The following ERBB4 variants were observed in gnomAD, a reference collection of about 807,000 sequenced individuals.
ERBB4 encodes receptor tyrosine-protein kinase erbB-4.
ERBB4 carries 42 observed loss-of-function variants against 158.0 expected under a neutral mutation model. That is an observed-to-expected ratio of 0.27 (90% CI 0.21 to 0.34). The LOEUF (loss-of-function observed/expected upper bound fraction) is 0.34. ERBB4 is among the 10% of genes least tolerant of loss of function. The pLI, the probability that ERBB4 is intolerant of heterozygous loss-of-function variation, is 1.00. For missense variants in ERBB4, 1,333 were observed against 1,624.1 expected (o/e 0.82, Z 3.08); for synonymous variants, 583 against 558.7 (o/e 1.04, Z -0.61).
intron 3 of ERBB4, among the ~76,000 whole-genome samples, chr2:211,876,610 G>A (rs1316155682): frequency 6.6e-6 from 1 of 152,142 alleles, no homozygotes; most frequent in Non-Finnish European, 1.5e-5. Flanking sequence ...TTCATGTGAA[G>A]TTCAAGAACA....
chr2:212,203,604 G>A lies in ERBB4; in HGVS notation c.83-78701C>T, dbSNP rs147471112. Reference sequence around the variant, plus strand: ...TTCTATACTTTGGAAAATAAGATGTGTGTACATATTTTGGCATCACAGACC... The same window carrying A: ...TTCTATACTTTGGAAAATAAGATGTATGTACATATTTTGGCATCACAGACC... On this transcript the variant is annotated intron_variant, in intron 1 of 27. Coordinates refer to ENST00000342788, the MANE Select transcript of ERBB4 (RefSeq NM_005235.3). 3.9e-5 allele frequency among the ~76,000 whole-genome samples: 6 copies of A among 152,310 alleles called. No individual in the cohort carries two copies. In the East Asian group the frequency reaches 1.2e-3, roughly 29 times the overall value.
intron 2 of ERBB4, among the ~76,000 whole-genome samples, chr2:212,113,702 G>C (rs2079490010): frequency 6.6e-6 from 1 of 151,706 alleles, no homozygotes; most frequent in African/African-American, 2.4e-5. Context: ...ACATGACTCT[G>C]CTCAAGTCAT....
chr2:212,361,123 T>C (rs1370889383), intron 1 of ERBB4, among the ~76,000 whole-genome samples: 1 of 151,682 alleles, frequency 6.6e-6, no homozygotes, highest in African/African-American at 2.4e-5. Context: ...CCAAGGTCCA[T>C]AAAGAATTTG....
intron 3 of ERBB4, among the ~76,000 whole-genome samples, chr2:211,903,782 T>G (rs1484319067): frequency 2.0e-5 from 3 of 149,818 alleles, no homozygotes; most frequent in African/African-American, 7.4e-5. Context: ...ATTACACAAT[T>G]AAAAAAGAAA....
At chr2:211,991,042 T>C (rs1314104264) in intron 2 of ERBB4, among the ~76,000 whole-genome samples, 1 of 151,906 alleles carries the variant, frequency 6.6e-6, no homozygotes, top group Non-Finnish European at 1.5e-5. Context: ...ATGGTCAATA[T>C]CCAACAGTAA....
chr2:212,309,388 G>A (rs1361401151), intron 1 of ERBB4, among the ~76,000 whole-genome samples: 1 of 150,762 alleles, frequency 6.6e-6, no homozygotes, highest in African/African-American at 2.4e-5. Context: ...TAAAATAAAT[G>A]CTTGGTTAGG....
intron 2 of ERBB4, among the ~76,000 whole-genome samples, chr2:212,088,974 A>C (rs2078695051): frequency 1.3e-5 from 2 of 152,116 alleles, no homozygotes; most frequent in Non-Finnish European, 2.9e-5. Flanking sequence ...CTGAAAATAC[A>C]GAAACAAAAA....
At chr2:212,402,074 C>T (rs1481041040) in intron 1 of ERBB4, among the ~76,000 whole-genome samples, 3 of 152,022 alleles carry the variant, frequency 2.0e-5, no homozygotes, top group Non-Finnish European at 2.9e-5. Flanking sequence ...AAGTTCACAG[C>T]AACTTTATTT....
At chr2:212,065,231 C>T (rs1398042216) in intron 2 of ERBB4, among the ~76,000 whole-genome samples, 5 of 151,870 alleles carry the variant, frequency 3.3e-5, no homozygotes, top group East Asian at 1.9e-4. Flanking sequence ...GTTAGTTTGC[C>T]GCTAATTACT....
chr2:211,629,505 C>G (rs941093492), intron 17 of ERBB4, among the ~76,000 whole-genome samples: 6 of 152,160 alleles, frequency 3.9e-5, no homozygotes, highest in Admixed American at 1.3e-4. Context: ...CCATCCCCAT[C>G]AAGCTACCAA....
intron 1 of ERBB4, among the ~76,000 whole-genome samples, chr2:212,386,641 T>G (rs927368509): frequency 1.3e-4 from 20 of 151,440 alleles, no homozygotes; most frequent in Non-Finnish European, 1.5e-4. Flanking sequence ...TAGCATAAAA[T>G]GAACAGAACT....
chr2:211,738,664 G>T (rs1218429107), intron 5 of ERBB4, among the ~76,000 whole-genome samples: 2 of 150,826 alleles, frequency 1.3e-5, no homozygotes, highest in Non-Finnish European at 3.0e-5. Context: ...GAGCCACCAC[G>T]CCCGGCCCTC....
chr2:212,377,513 G>A (rs1270746654), intron 1 of ERBB4, among the ~76,000 whole-genome samples: 1 of 151,736 alleles, frequency 6.6e-6, no homozygotes, highest in Non-Finnish European at 1.5e-5. Flanking sequence ...TTAGCATAAT[G>A]GTAAATGTTT....
At chr2:212,368,584 G>C (rs80037646) in intron 1 of ERBB4, among the ~76,000 whole-genome samples, 1 of 151,910 alleles carries the variant, frequency 6.6e-6, no homozygotes, top group African/African-American at 2.4e-5. Flanking sequence ...GAAAAAAAAA[G>C]ACTCTTAATG....
intron 2 of ERBB4, among the ~76,000 whole-genome samples, chr2:212,007,204 A>G (rs1157275038): frequency 6.6e-6 from 1 of 151,982 alleles, no homozygotes; most frequent in Non-Finnish European, 1.5e-5. Context: ...AACTGATGAT[A>G]AATCTGTTTG....
intron 1 of ERBB4, among the ~76,000 whole-genome samples, chr2:212,381,456 T>C (rs2090501336): frequency 6.6e-6 from 1 of 151,332 alleles, no homozygotes; most frequent in Admixed American, 6.6e-5. Context: ...CAAAAATAAG[T>C]GACACTATTA....
intron 1 of ERBB4, among the ~76,000 whole-genome samples, chr2:212,265,624 T>TA (rs1243388155): frequency 2.6e-5 from 4 of 151,946 alleles, no homozygotes; most frequent in Non-Finnish European, 4.4e-5. Flanking sequence ...CCACTCAGCA[T>TA]AAAAAATTAC....
At chr2:212,204,691 T>C (rs1161595184) in intron 1 of ERBB4, among the ~76,000 whole-genome samples, 1 of 143,162 alleles carries the variant, frequency 7.0e-6, no homozygotes. Context: ...AGTGAGACTC[T>C]GTCCCCCACA....
At chr2:211,880,959 T>C (rs1038927432) in intron 3 of ERBB4, among the ~76,000 whole-genome samples, 2 of 152,140 alleles carry the variant, frequency 1.3e-5, no homozygotes, top group African/African-American at 4.8e-5. Context: ...TCTCAATTAG[T>C]GGAGCTTACT....
Sources: allele counts gnomAD v4.1 joint callset (sites outside exome capture counted in the v4.1 genomes callset), GRCh38; gene constraint gnomAD v4.1.1; transcripts MANE v1.5; gene names NCBI Gene and HGNC (gene_info 2026-07-23, HGNC 2026-07-21).